Variants in LMBR1 observed in about 807,000 individuals in gnomAD.
LMBR1 encodes the protein limb development membrane protein 1, also known as limb region 1 protein homolog.
A neutral mutation model predicts 73.9 loss-of-function variants in LMBR1; 52 were observed. The observed-to-expected ratio is 0.70, with a 90% CI of 0.56 to 0.89. The LOEUF (loss-of-function observed/expected upper bound fraction) is 0.89, where lower values mean the gene tolerates loss of function less well. Among genes scored for constraint, LMBR1 ranks in the 40% least tolerant of loss-of-function variants. The pLI, the probability that LMBR1 is intolerant of heterozygous loss-of-function variation, is 0.00. For missense variants in LMBR1, 539 were observed against 579.8 expected, an observed-to-expected ratio of 0.93 and a Z score of 0.72; for synonymous variants, 215 against 209.4, an observed-to-expected ratio of 1.03 and a Z score of -0.23.
chr7:156,698,173 T>C (rs1281246916), intron 15 of LMBR1, among the ~76,000 whole-genome samples: 1 of 152,224 alleles, frequency 6.6e-6, no homozygotes, highest in Non-Finnish European at 1.5e-5. Flanking sequence ...ATCCAGGTCA[T>C]GGTGATGCAA....
rs975950539 is a variant in LMBR1, at chr7:156,777,135, C to T, written c.424-13340G>A. Among the ~76,000 whole-genome samples, 10 of 152,280 alleles carry T rather than the reference C, an allele frequency of 6.6e-5. No homozygotes were observed. The South Asian group carries it at 1.2e-3, about 19-fold the overall frequency. The stretch of plus-strand genomic sequence containing the variant: ...TATTTTTAGTAGAGATGGGGTTTCA[C>T]GGTGTTAACCAGGATGGTCTCGATC... On this transcript the variant is annotated intron_variant, in intron 5 of 16. Transcript: ENST00000353442.
chr7:156,763,357 C>T (rs2132931020), intron 6 of LMBR1, among the ~76,000 whole-genome samples, 181 bp from the exon 7 acceptor site: 1 of 151,462 alleles, frequency 6.6e-6, no homozygotes, highest in South Asian at 2.1e-4. Context: ...AAATAGAAAA[C>T]CAAGAAGTAA....
intron 9 of LMBR1, among the ~76,000 whole-genome samples, chr7:156,735,610 A>G (rs546085272): frequency 2.8e-5 from 4 of 143,870 alleles, no homozygotes; most frequent in Non-Finnish European, 6.0e-5. Flanking sequence ...TCTGTTTGCT[A>G]GGGTTTTTTT....
In LMBR1 at chr7:156,678,223, T is replaced by C. The variant is rs1804406067; in HGVS notation, c.*5855A>G. On this transcript the variant is annotated 3_prime_UTR_variant, in exon 17 of 17. Transcript: ENST00000353442. Reference sequence around the variant, plus strand: ...TGCAGTACTTTACTGACACAGGAACTAGTGTTAGTTGCAGGCAACAGATAC... The same window carrying C: ...TGCAGTACTTTACTGACACAGGAACCAGTGTTAGTTGCAGGCAACAGATAC... The C allele has an allele frequency of 6.6e-6, 1 of 152,216 alleles. No individual in the cohort carries two copies. The highest frequency in any genetic ancestry group is 2.1e-4 in the South Asian group (1 of 4,832). The allele number at this position is 152,216 out of a possible 1,614,324, so 9.4% of individuals were successfully genotyped here. A position where few individuals can be genotyped will look rare whatever the true frequency, so the allele number is the denominator to read the frequency against.
chr7:156,815,083 G>A (rs1292400433), intron 4 of LMBR1, among the ~76,000 whole-genome samples: 1 of 144,422 alleles, frequency 6.9e-6, no homozygotes, highest in East Asian at 2.1e-4. Context: ...TTGAACCTGG[G>A]AAGAAGAGGT....
intron 4 of LMBR1, among the ~76,000 whole-genome samples, chr7:156,800,482 C>CAAACAAAAAAAAAAA (rs1830758761): frequency 1.2e-5 from 1 of 81,034 alleles, no homozygotes; most frequent in Non-Finnish European, 2.4e-5. Context: ...ACTTGCTACT[C>CAAACAAAAAAAAAAA]AAAAAAAAAA....
chr7:156,800,482 C>CAAAAAACAAAAAAAAAAA (rs1830760369), intron 4 of LMBR1, among the ~76,000 whole-genome samples: 1 of 81,034 alleles, frequency 1.2e-5, no homozygotes, highest in Admixed American at 1.5e-4. Flanking sequence ...ACTTGCTACT[C>CAAAAAACAAAAAAAAAAA]AAAAAAAAAA....
At chr7:156,805,904 T>G (rs1043170724) in intron 4 of LMBR1, among the ~76,000 whole-genome samples, 2 of 152,104 alleles carry the variant, frequency 1.3e-5, no homozygotes, top group Admixed American at 6.5e-5. Context: ...AGAAGAGAGT[T>G]TGCTTTCTCT....
intron 4 of LMBR1, among the ~76,000 whole-genome samples, chr7:156,824,603 G>A (rs985702569): frequency 2.6e-5 from 4 of 152,122 alleles, no homozygotes; most frequent in African/African-American, 9.7e-5. Flanking sequence ...GGCACTTTGG[G>A]AGGCCAAGGT....
chr7:156,678,201 A>T lies in LMBR1; in HGVS notation c.*5877T>A, dbSNP rs1804402349. 1 of 152,274 alleles carries T rather than the reference A, an allele frequency of 6.6e-6. No homozygotes were observed. Among genetic ancestry groups the T allele is most frequent in the Admixed American group, 6.5e-5 (1 of 15,292 alleles). The allele number at this position is 152,274 out of a possible 1,614,324, so 9.4% of individuals were successfully genotyped here. On this transcript the variant is annotated 3_prime_UTR_variant, in exon 17 of 17. Coordinates refer to ENST00000353442, the MANE Select transcript of LMBR1 (RefSeq NM_022458.4). ...ATCTCTATTCTTTGCAACCAAGTGC[A>T]GTACTTTACTGACACAGGAACTAGT...
intron 15 of LMBR1, among the ~76,000 whole-genome samples, chr7:156,722,132 T>C (rs1208907441): frequency 6.6e-6 from 1 of 152,130 alleles, no homozygotes; most frequent in African/African-American, 2.4e-5. Flanking sequence ...ATATGATTTT[T>C]CTTGTTACTG....
intron 1 of LMBR1, among the ~76,000 whole-genome samples, chr7:156,884,519 G>C (rs953827820): frequency 2.6e-5 from 4 of 152,086 alleles, no homozygotes; most frequent in South Asian, 2.1e-4. Context: ...TTTCCTTCTA[G>C]AAAAGATTTC....
intron 4 of LMBR1, among the ~76,000 whole-genome samples, chr7:156,802,803 G>C (rs1022972958): frequency 4.0e-5 from 6 of 151,378 alleles, no homozygotes; most frequent in Admixed American, 3.9e-4. Flanking sequence ...TTCCCAGTCA[G>C]CCACTGACTC....
At chr7:156,887,612 T>C (rs1433166400) in intron 1 of LMBR1, among the ~76,000 whole-genome samples, 2 of 152,002 alleles carry the variant, frequency 1.3e-5, no homozygotes, top group Admixed American at 6.6e-5. Flanking sequence ...CAGTTGGTGA[T>C]GAATTCTTGG....
intron 16 of LMBR1, among the ~76,000 whole-genome samples, chr7:156,684,793 T>C (rs1245149266): frequency 6.6e-6 from 1 of 152,082 alleles, no homozygotes; most frequent in Non-Finnish European, 1.5e-5. Flanking sequence ...CCCATGTTCA[T>C]GAAAAACACA....
intron 15 of LMBR1, among the ~76,000 whole-genome samples, chr7:156,701,479 G>T (rs764994917): frequency 6.6e-6 from 1 of 152,162 alleles, no homozygotes; most frequent in African/African-American, 2.4e-5. Flanking sequence ...AAAATTCTAG[G>T]AAGTGCAAAC....
At chr7:156,675,158 C>T (rs999581579), downstream of LMBR1, among the ~76,000 whole-genome samples, 4 of 152,230 alleles carry the variant, frequency 2.6e-5, no homozygotes, top group South Asian at 2.1e-4. Flanking sequence ...AGCGGAGACC[C>T]GAAGAGACAG....
chr7:156,834,716 T>A (rs1837295414), intron 2 of LMBR1: 1 of 156,270 alleles, frequency 6.4e-6, no homozygotes, highest in Non-Finnish European at 1.4e-5. Flanking sequence ...AATTATATTA[T>A]ATATAAAGTT....
chr7:156,783,460 T>G (rs1827510042), intron 5 of LMBR1, among the ~76,000 whole-genome samples: 2 of 152,200 alleles, frequency 1.3e-5, no homozygotes, highest in Non-Finnish European at 2.9e-5. Flanking sequence ...ATTATAGGCA[T>G]GAGCCACTGT....
Sources: allele counts gnomAD v4.1 joint callset (sites outside exome capture counted in the v4.1 genomes callset), GRCh38; gene constraint gnomAD v4.1.1; transcripts MANE v1.5; gene names NCBI Gene and HGNC (gene_info 2026-07-23, HGNC 2026-07-21).